Variants in TMOD3 observed in about 807,000 individuals in gnomAD.
The protein encoded by TMOD3 is tropomodulin-3.
In TMOD3, 20 loss-of-function variants were observed where a neutral mutation model predicts 39.2. That is an observed-to-expected ratio of 0.51 (90% CI 0.36 to 0.74). The LOEUF is 0.74. Ranked by LOEUF, TMOD3 falls within the 30% of genes least tolerant of loss-of-function variation. TMOD3 has a pLI of 0.00. For synonymous variants in TMOD3, 143 were observed against 145.8 expected (o/e 0.98, Z 0.14); for missense variants, 381 against 412.8 (o/e 0.92, Z 0.67).
At chr15:51,895,670 G>A (rs946227094) in intron 6 of TMOD3, among the ~76,000 whole-genome samples, 2 of 152,172 alleles carry the variant, frequency 1.3e-5, no homozygotes, top group Non-Finnish European at 2.9e-5. Flanking sequence ...TTCAAGTAGT[G>A]TAGGGTTAAT....
intron 3 of TMOD3, among the ~76,000 whole-genome samples, chr15:51,877,075 GA>G (rs769739229): frequency 4.7e-4 from 72 of 152,060 alleles, no homozygotes; most frequent in East Asian, 1.2e-3. Context: ...AAAAAATAAA[GA>G]AAAAGTCTTC....
At chr15:51,848,404 T>TC (rs762126913) in intron 1 of TMOD3, among the ~76,000 whole-genome samples, 2 of 152,194 alleles carry the variant, frequency 1.3e-5, no homozygotes, top group Non-Finnish European at 2.9e-5. Flanking sequence ...CTTAGCCTTC[T>TC]CCATCAAAGA....
At chr15:51,876,455 C>G (rs866850448) in intron 3 of TMOD3, among the ~76,000 whole-genome samples, 2 of 145,988 alleles carry the variant, frequency 1.4e-5, no homozygotes, top group Non-Finnish European at 3.0e-5. Context: ...TGAGACAGTG[C>G]ACCCAGCGCT....
chr15:51,866,837 A>G (rs1287417656), intron 2 of TMOD3, among the ~76,000 whole-genome samples: 2 of 152,240 alleles, frequency 1.3e-5, no homozygotes, highest in Non-Finnish European at 2.9e-5. Context: ...CTTTGCCCTC[A>G]TGACGCAGGC....
chr15:51,888,236 C>G (rs1438865461), intron 4 of TMOD3, among the ~76,000 whole-genome samples: 1 of 152,188 alleles, frequency 6.6e-6, no homozygotes, highest in African/African-American at 2.4e-5. Flanking sequence ...CTTCCCCTCC[C>G]TACCCATGTA....
chr15:51,906,602 T>C (rs892241917), intron 9 of TMOD3, among the ~76,000 whole-genome samples: 4 of 152,228 alleles, frequency 2.6e-5, no homozygotes, highest in Non-Finnish European at 5.9e-5. Flanking sequence ...TCTAGACCTT[T>C]TTTGTTTGCT....
chr15:51,907,384 G>C (rs1356530302), intron 9 of TMOD3: 1 of 152,158 alleles, frequency 6.6e-6, no homozygotes, highest in Non-Finnish European at 1.5e-5. Context: ...AAATGTTCGT[G>C]GGAACCTGAT....
intron 1 of TMOD3, among the ~76,000 whole-genome samples, chr15:51,847,289 C>G (rs2056340654): frequency 6.6e-6 from 1 of 152,208 alleles, no homozygotes; most frequent in African/African-American, 2.4e-5. Context: ...ACAAGTTTTT[C>G]TGCACTGCCT....
chr15:51,875,859 C>T (rs1445736189), intron 3 of TMOD3, among the ~76,000 whole-genome samples: 1 of 152,062 alleles, frequency 6.6e-6, no homozygotes, highest in Non-Finnish European at 1.5e-5. Flanking sequence ...ACCTCGTGAT[C>T]CACCCACCTT....
rs544585768 is a variant in TMOD3 at position 51,861,137 on chromosome 15, G to A, written c.-74-1674G>A. On this transcript the variant is annotated intron_variant, in intron 1 of 9. Coordinates refer to ENST00000308580, the MANE Select transcript of TMOD3 (RefSeq NM_014547.5). ...CATGTTGAACATAATTGATAAAGTCGTCCTTGAAAAGGGCTCTTTCCTGGA... is the reference window on the plus strand; with the variant it reads ...CATGTTGAACATAATTGATAAAGTCATCCTTGAAAAGGGCTCTTTCCTGGA... 4.3e-5 allele frequency: 22 copies of A among 509,112 alleles called. No homozygotes were observed. The Middle Eastern group carries it at 4.1e-3, about 95-fold the overall frequency. 31.5% of individuals were successfully genotyped at this position (509,112 alleles called of 1,614,324 possible).
intron 9 of TMOD3, among the ~76,000 whole-genome samples, chr15:51,906,177 CT>C (rs1216204310): frequency 6.6e-6 from 1 of 152,064 alleles, no homozygotes; most frequent in African/African-American, 2.4e-5. Context: ...CTCAGCTTAA[CT>C]TTTTTTCAGC....
At position 51,912,328 on chromosome 15, in the gene TMOD3, G is replaced by C. The variant is rs1267199829; in HGVS notation, c.*3518G>C. ...TGTGATCTCAGCTACTCGGGAGGCT[G>C]AGGCAGGAGAATCACTAGAACTCGG... On this transcript the variant is annotated 3_prime_UTR_variant, in exon 10 of 10. Transcript: ENST00000308580. The C allele has an allele frequency of 6.6e-6, 1 of 151,924 alleles. No individual in the cohort carries two copies. The highest frequency in any genetic ancestry group is 1.5e-5 in the Non-Finnish European group (1 of 68,028). The allele number at this position is 151,924 out of a possible 1,614,324, so 9.4% of individuals were successfully genotyped here.
chr15:51,893,809 C>T lies in TMOD3; in HGVS notation c.497-6C>T, dbSNP rs2056607330. ...CAAATCCTGCTCTTTTCATTTATCA[C>T]TGCAGATGTGGTCAAAGGTGAAAAG... is the stretch of plus-strand genomic sequence containing the variant. On this transcript the variant is annotated splice_polypyrimidine_tract_variant and splice_region_variant and intron_variant, in intron 5 of 9. Transcript: ENST00000308580. The T allele has an allele frequency of 6.3e-7, 1 of 1,582,914 alleles. No homozygotes were observed. Among genetic ancestry groups the T allele is most frequent in the East Asian group, 2.3e-5 (1 of 44,252 alleles).
chr15:51,887,581 T>G lies in TMOD3; in HGVS notation c.284-8T>G. ...GTAATGGAATTAACAAAATGCTTTA[T>G]TTTACAGGGAAAATATTTATCCCCA... On this transcript the variant is annotated splice_polypyrimidine_tract_variant and splice_region_variant and intron_variant, in intron 3 of 9. Coordinates refer to ENST00000308580, the MANE Select transcript of TMOD3 (RefSeq NM_014547.5). The G allele has an allele frequency of 2.5e-6, 4 of 1,609,326 alleles. No individual in the cohort carries two copies. The highest frequency in any genetic ancestry group is 3.4e-6 in the Non-Finnish European group (4 of 1,178,828).
At chr15:51,830,894 T>C (rs1188597877) in intron 1 of TMOD3, among the ~76,000 whole-genome samples, 1 of 152,218 alleles carries the variant, frequency 6.6e-6, no homozygotes, top group South Asian at 2.1e-4. Context: ...GCAATCATAA[T>C]AGTTACAGTC....
chr15:51,832,203 T>TA (rs1555464768), intron 1 of TMOD3, among the ~76,000 whole-genome samples: 2 of 79,348 alleles, frequency 2.5e-5, no homozygotes, highest in Non-Finnish European at 5.5e-5. Flanking sequence ...AGAAAAAAAA[T>TA]TATATATATA....
At position 51,906,708 on chromosome 15, in the gene TMOD3, G is replaced by A. The variant is rs112601995; in HGVS notation, c.1025-2068G>A. Among the ~76,000 whole-genome samples the A allele has an allele frequency of 2.2e-3, 331 of 152,168 alleles. 2 individuals are homozygous for A. The highest frequency in any genetic ancestry group is 6.9e-3 in the South Asian group (33 of 4,816). ...AACCCTGCTGCAATTCAAAATTTTC[G>A]TTGAAATGTTCTACCCTAAAGAATT... On this transcript the variant is annotated intron_variant, in intron 9 of 9. Coordinates refer to ENST00000308580, the MANE Select transcript of TMOD3 (RefSeq NM_014547.5).
intron 1 of TMOD3, among the ~76,000 whole-genome samples, chr15:51,830,841 G>T (rs1402055993): frequency 6.6e-6 from 1 of 152,082 alleles, no homozygotes; most frequent in Non-Finnish European, 1.5e-5. Flanking sequence ...ATTTACTCTT[G>T]CTAGTTTCTT....
In TMOD3 at chr15:51,905,977, A is replaced by AAAG. The variant is rs1447831247; in HGVS notation, c.1025-2797_1025-2796insGAA. Among the ~76,000 whole-genome samples, 38 of 140,610 alleles carry AAAG rather than the reference A, an allele frequency of 2.7e-4. 1 individual carries two copies. Among genetic ancestry groups the AAAG allele is most frequent in the African/African-American group, 1.0e-3 (38 of 38,014 alleles). The allele number at this position is 140,610 out of a possible 152,430, so 92.2% of individuals were successfully genotyped here. A position where few individuals can be genotyped will look rare whatever the true frequency, so the allele number is the denominator to read the frequency against. ...AAAAAAAAAAAAAAAAAAAAAAAAA[A>AAAG]AAAGAAATTGGACCAGATCCAAAGA... On this transcript the variant is annotated intron_variant, in intron 9 of 9. Transcript: ENST00000308580.
Sources: allele counts gnomAD v4.1 joint callset (sites outside exome capture counted in the v4.1 genomes callset), GRCh38; gene constraint gnomAD v4.1.1; transcripts MANE v1.5; gene names NCBI Gene and HGNC (gene_info 2026-07-23, HGNC 2026-07-21).